Variants in ERC1 observed in about 807,000 individuals in gnomAD.
The protein encoded by ERC1 is ELKS/RAB6-interacting/CAST family member 1.
A neutral mutation model predicts 132.0 loss-of-function variants in ERC1; 56 were observed. The ratio of observed to expected loss-of-function variants is 0.42; its 90% CI spans 0.34 to 0.53. The LOEUF (loss-of-function observed/expected upper bound fraction) is 0.53. Among genes scored for constraint, ERC1 ranks in the 20% least tolerant of loss-of-function variants. The pLI is 0.03. For missense variants in ERC1, 1,202 were observed against 1,349.9 expected, an observed-to-expected ratio of 0.89 and a Z score of 1.72; for synonymous variants, 478 against 476.1, an observed-to-expected ratio of 1.00 and a Z score of -0.05.
intron 1 of ERC1, among the ~76,000 whole-genome samples, chr12:1,026,697 A>G (rs1384118567): frequency 2.0e-5 from 3 of 152,254 alleles, no homozygotes; most frequent in Non-Finnish European, 4.4e-5. Flanking sequence ...GTTTGCTGCT[A>G]GATGAGTTAA....
intron 18 of ERC1, among the ~76,000 whole-genome samples, chr12:1,481,112 T>C (rs1247735905): frequency 2.6e-5 from 4 of 152,248 alleles, no homozygotes; most frequent in Admixed American, 6.5e-5. Flanking sequence ...CGGAACAGCA[T>C]GCACTGTAAA....
chr12:1,149,103 G>A (rs553261898), intron 8 of ERC1, among the ~76,000 whole-genome samples: 12 of 152,122 alleles, frequency 7.9e-5, no homozygotes, highest in South Asian at 6.2e-4. Flanking sequence ...AATGAATACC[G>A]TAGGTTTAGA....
intron 18 of ERC1, among the ~76,000 whole-genome samples, chr12:1,484,362 C>T (rs2094164398): frequency 6.6e-6 from 1 of 151,904 alleles, no homozygotes; most frequent in Non-Finnish European, 1.5e-5. Context: ...CTTGTACATA[C>T]GTTCTTAAAT....
At chr12:1,386,513 T>C (rs2089369789) in intron 16 of ERC1, 1 of 151,724 alleles carries the variant, frequency 6.6e-6, no homozygotes, top group African/African-American at 2.4e-5. Context: ...CCAGCCATGG[T>C]GGTGCACACC....
intron 7 of ERC1, 97 bp from the exon 8 acceptor site, chr12:1,141,523 A>C (rs951736266): frequency 2.0e-6 from 2 of 990,690 alleles, no homozygotes; most frequent in Non-Finnish European, 2.8e-6. Context: ...AGAATAACAA[A>C]ACTCAACCTC....
intron 14 of ERC1, among the ~76,000 whole-genome samples, chr12:1,283,258 C>G (rs2078808951): frequency 6.6e-6 from 1 of 152,202 alleles, no homozygotes; most frequent in Admixed American, 6.5e-5. Context: ...CAGCTCTGGC[C>G]TGAGCTTTTC....
chr12:1,304,548 A>G (rs1594883557), intron 15 of ERC1, among the ~76,000 whole-genome samples: 2 of 152,214 alleles, frequency 1.3e-5, no homozygotes, highest in African/African-American at 4.8e-5. Context: ...AGTTGGAAGC[A>G]CAACTGGTTA....
chr12:1,247,008 A>G (rs1019653194), intron 13 of ERC1, among the ~76,000 whole-genome samples: 1 of 152,220 alleles, frequency 6.6e-6, no homozygotes, highest in African/African-American at 2.4e-5. Flanking sequence ...GCATACCTAT[A>G]GTCCCAGCTA....
chr12:1,440,624 G>T lies in ERC1; in HGVS notation c.3025-3938G>T, dbSNP rs1168415668. Reference sequence around the variant, plus strand: ...TTTGTGTGTGTGTGTGTGTGTGTGTGTGTGTGTGTGTGTGTGTGTGTGTGT... The same window carrying T: ...TTTGTGTGTGTGTGTGTGTGTGTGTTTGTGTGTGTGTGTGTGTGTGTGTGT... On this transcript the variant is annotated intron_variant, in intron 17 of 18. Transcript: ENST00000360905. 2.0e-3 allele frequency among the ~76,000 whole-genome samples: 209 copies of T among 104,810 alleles called. 25 individuals are homozygous for T. The highest frequency in any genetic ancestry group is 0.011 in the African/African-American group (201 of 17,706). 68.8% of individuals were successfully genotyped at this position (104,810 alleles called of 152,430 possible). A position where few individuals can be genotyped will look rare whatever the true frequency, so the allele number is the denominator to read the frequency against.
chr12:1,208,345 A>C (rs539869757), intron 12 of ERC1, among the ~76,000 whole-genome samples: 2 of 120,616 alleles, frequency 1.7e-5, no homozygotes, highest in Non-Finnish European at 3.4e-5. Context: ...AAACATTATC[A>C]GCTTTTTTTC....
At chr12:1,186,524 T>C (rs1050263864) in intron 11 of ERC1, among the ~76,000 whole-genome samples, 2 of 152,214 alleles carry the variant, frequency 1.3e-5, no homozygotes, top group East Asian at 3.8e-4. Context: ...GCCTCTCTTG[T>C]CCAAAGGTGA....
At chr12:1,328,770 CT>C (rs1458490365) in intron 15 of ERC1, among the ~76,000 whole-genome samples, 2 of 151,706 alleles carry the variant, frequency 1.3e-5, no homozygotes, top group Non-Finnish European at 2.9e-5. Flanking sequence ...ATTGCTTTGT[CT>C]TTTTTTTCTT....
intron 15 of ERC1, among the ~76,000 whole-genome samples, chr12:1,325,411 G>A (rs1159139394): frequency 6.6e-6 from 1 of 152,206 alleles, no homozygotes; most frequent in African/African-American, 2.4e-5. Flanking sequence ...ATTGTGCCAA[G>A]TATCCATTGA....
intron 15 of ERC1, among the ~76,000 whole-genome samples, chr12:1,332,627 A>G (rs2082953490): frequency 6.6e-6 from 1 of 152,126 alleles, no homozygotes; most frequent in Non-Finnish European, 1.5e-5. Flanking sequence ...TCTCTTTAGG[A>G]TGGATGGTGT....
In ERC1 at chr12:1,290,107, CACTT is replaced by C; in HGVS notation, c.2780+101_2780+104del. 4.7e-6 allele frequency: 5 copies of C among 1,074,516 alleles called. No homozygotes were observed. The East Asian group carries it at 7.3e-5, about 16-fold the overall frequency. 66.6% of individuals were successfully genotyped at this position (1,074,516 alleles called of 1,614,324 possible). A position where few individuals can be genotyped will look rare whatever the true frequency, so the allele number is the denominator to read the frequency against. ...TCTGGCTCTGTGTTTTACCCCAATA[CACTT>C]ACTTAATTTTAGTGCTAACTTGTAT... On this transcript the variant is annotated intron_variant, in intron 15 of 18. Transcript: ENST00000360905.
intron 15 of ERC1, among the ~76,000 whole-genome samples, chr12:1,336,044 C>T (rs1347424581): frequency 6.6e-6 from 1 of 152,074 alleles, no homozygotes; most frequent in Non-Finnish European, 1.5e-5. Context: ...TCCTAGTTTA[C>T]ATGCATAAAG....
chr12:1,165,321 T>C lies in ERC1; in HGVS notation c.1738-15219T>C, dbSNP rs76488370. ...GAATGCAGGAGAATTTTTTTTTTTT[T>C]TTGAGATGGAGTCTCGCTCTGTTGC... On this transcript the variant is annotated intron_variant, in intron 8 of 18. Coordinates refer to ENST00000360905, the MANE Select transcript of ERC1 (RefSeq NM_178040.4). 2.0e-3 allele frequency among the ~76,000 whole-genome samples: 311 copies of C among 152,162 alleles called. 12 individuals are homozygous for C. In the East Asian group the frequency reaches 0.048, roughly 23 times the overall value.
chr12:1,353,590 A>G (rs939740829), intron 15 of ERC1, among the ~76,000 whole-genome samples: 5 of 152,202 alleles, frequency 3.3e-5, no homozygotes, highest in Admixed American at 2.0e-4. Flanking sequence ...AGCTCATTCA[A>G]TGTGTTTAAA....
At chr12:1,341,731 A>G (rs539457983) in intron 15 of ERC1, among the ~76,000 whole-genome samples, 11 of 152,200 alleles carry the variant, frequency 7.2e-5, no homozygotes, top group Admixed American at 2.6e-4. Flanking sequence ...TGATGGGTGC[A>G]GCAAACCAAC....
Sources: allele counts gnomAD v4.1 joint callset (sites outside exome capture counted in the v4.1 genomes callset), GRCh38; gene constraint gnomAD v4.1.1; transcripts MANE v1.5; gene names NCBI Gene and HGNC (gene_info 2026-07-23, HGNC 2026-07-21).